RORA: variants seen among roughly 807,000 people sequenced by gnomAD.
The protein encoded by RORA is RAR related orphan receptor A.
A neutral mutation model predicts 69.5 loss-of-function variants in RORA; 7 were observed. The ratio of observed to expected loss-of-function variants is 0.10; its 90% CI spans 0.06 to 0.19. RORA has a LOEUF of 0.19. RORA is among the 10% of genes least tolerant of loss of function. The pLI is 1.00. For synonymous variants in RORA, 261 were observed against 240.8 expected, an observed-to-expected ratio of 1.08 and a Z score of -0.78; for missense variants, 457 against 663.0, an observed-to-expected ratio of 0.69 and a Z score of 3.41.
intron 2 of RORA, among the ~76,000 whole-genome samples, chr15:60,578,524 G>A (rs1393778234): frequency 1.3e-5 from 2 of 152,080 alleles, no homozygotes; most frequent in African/African-American, 4.8e-5. Flanking sequence ...AATAATTATA[G>A]TCTGTTATTC....
intron 1 of RORA, among the ~76,000 whole-genome samples, chr15:61,148,908 C>G (rs1016330311): frequency 1.1e-4 from 17 of 152,126 alleles, no homozygotes; most frequent in Admixed American, 8.5e-4. Context: ...GCCTAAAAAG[C>G]GTGTGGACTG....
chr15:60,772,087 T>C (rs1322758278), intron 1 of RORA, among the ~76,000 whole-genome samples: 1 of 152,176 alleles, frequency 6.6e-6, no homozygotes, highest in Non-Finnish European at 1.5e-5. Flanking sequence ...CTTTAAGTTC[T>C]AGGATACAAG....
chr15:60,590,473 G>A (rs2068467661), intron 2 of RORA, among the ~76,000 whole-genome samples: 1 of 152,154 alleles, frequency 6.6e-6, no homozygotes, highest in South Asian at 2.1e-4. Context: ...GGTCGTTACT[G>A]TTCATTAGGG....
chr15:60,795,228 C>G (rs1373832023), intron 1 of RORA, among the ~76,000 whole-genome samples: 1 of 152,152 alleles, frequency 6.6e-6, no homozygotes, highest in Non-Finnish European at 1.5e-5. Flanking sequence ...AGAGAGAATT[C>G]AAAATGGCAA....
intron 1 of RORA, among the ~76,000 whole-genome samples, chr15:60,984,144 T>A (rs1194341541): frequency 1.3e-5 from 2 of 152,198 alleles, no homozygotes; most frequent in Non-Finnish European, 2.9e-5. Flanking sequence ...GTTTCTCATA[T>A]ACAATTATTT....
intron 1 of RORA, among the ~76,000 whole-genome samples, chr15:60,798,935 C>CTT (rs35043218): frequency 1.8e-4 from 26 of 144,816 alleles, no homozygotes; most frequent in African/African-American, 5.6e-4. Flanking sequence ...CAATAAAGGA[C>CTT]TTTTTTTTTT....
In RORA at chr15:61,166,566, T is replaced by A. The variant is rs1432213187; in HGVS notation, c.166+62487A>T. Among the ~76,000 whole-genome samples the A allele has an allele frequency of 2.0e-5, 3 of 152,138 alleles. No homozygotes were observed. In the East Asian group the frequency reaches 5.8e-4, roughly 29 times the overall value. On this transcript the variant is annotated intron_variant, in intron 1 of 10. Transcript: ENST00000335670. ...GTTATATCACCTTATATTTACCCAG[T>A]GCTTTTTGTTTGAATCTCACAGCAG...
In RORA at chr15:61,078,329, C is replaced by CTGTGTGTGTGTGTGTG. The variant is rs56676588; in HGVS notation, c.166+150708_166+150723dup. ...CAGGCACGTGCCACCACACCTGGCT[C>CTGTGTGTGTGTGTGTG]TGTGTGTGTGTGTGTGTGTGTGTGT... On this transcript the variant is annotated intron_variant, in intron 1 of 10. Coordinates refer to ENST00000335670, the MANE Select transcript of RORA (RefSeq NM_134261.3). Among the ~76,000 whole-genome samples the CTGTGTGTGTGTGTGTG allele has an allele frequency of 1.6e-3, 208 of 133,250 alleles. 2 individuals are homozygous for CTGTGTGTGTGTGTGTG. Among genetic ancestry groups the CTGTGTGTGTGTGTGTG allele is most frequent in the East Asian group, 4.0e-3 (17 of 4,242 alleles). 87.4% of individuals were successfully genotyped at this position (133,250 alleles called of 152,430 possible). A position where few individuals can be genotyped will look rare whatever the true frequency, so the allele number is the denominator to read the frequency against.
intron 1 of RORA, among the ~76,000 whole-genome samples, chr15:61,126,917 T>C (rs1347243629): frequency 6.6e-6 from 1 of 152,230 alleles, no homozygotes; most frequent in Non-Finnish European, 1.5e-5. Context: ...CAACACTGCA[T>C]GCATTTTATT....
intron 1 of RORA, among the ~76,000 whole-genome samples, chr15:60,950,260 G>A (rs1355149611): frequency 2.0e-5 from 3 of 147,460 alleles, no homozygotes; most frequent in Non-Finnish European, 4.5e-5. Context: ...TCACCACCAG[G>A]CCTGCCCTAA....
intron 2 of RORA, among the ~76,000 whole-genome samples, chr15:60,630,167 A>G (rs1209926748): frequency 6.6e-6 from 1 of 152,232 alleles, no homozygotes; most frequent in African/African-American, 2.4e-5. Flanking sequence ...TGAGTTCTAC[A>G]CTGATGCAAA....
rs66780614 is a variant in RORA at position 60,896,732 on chromosome 15, CT to C, written c.167-218047del. On this transcript the variant is annotated intron_variant, in intron 1 of 10. Coordinates refer to ENST00000335670, the MANE Select transcript of RORA (RefSeq NM_134261.3). ...ATTAGCAAGACTCTGGAGAATTTAG[CT>C]TTTTTTTTTTTTTTTTTTGGCTGCA... Among the ~76,000 whole-genome samples, 866 of 117,144 alleles carry C rather than the reference CT, an allele frequency of 7.4e-3. 7 individuals are homozygous for C. The highest frequency in any genetic ancestry group is 0.024 in the African/African-American group (806 of 33,568). 76.9% of individuals were successfully genotyped at this position (117,144 alleles called of 152,430 possible).
intron 1 of RORA, among the ~76,000 whole-genome samples, chr15:60,945,233 C>T (rs568669734): frequency 2.0e-5 from 3 of 152,282 alleles, no homozygotes; most frequent in Non-Finnish European, 4.4e-5. Context: ...TGGGAAAGAA[C>T]AGGAACTCTC....
At chr15:61,222,960 T>C (rs757820403) in intron 1 of RORA, among the ~76,000 whole-genome samples, 8 of 152,212 alleles carry the variant, frequency 5.3e-5, no homozygotes, top group Non-Finnish European at 1.2e-4. Context: ...AGAAAACTTA[T>C]GTTATCATAA....
chr15:60,769,359 T>C (rs1191355268), intron 1 of RORA, among the ~76,000 whole-genome samples: 1 of 152,178 alleles, frequency 6.6e-6, no homozygotes, highest in African/African-American at 2.4e-5. Flanking sequence ...TTAGGTGCTC[T>C]TACATGGTAG....
intron 7 of RORA, among the ~76,000 whole-genome samples, 169 bp from the exon 8 acceptor site, chr15:60,503,036 T>C (rs1343347065): frequency 2.6e-5 from 4 of 152,156 alleles, no homozygotes; most frequent in Non-Finnish European, 5.9e-5. Context: ...AGGGCAGAGT[T>C]TTCTATGTAA....
intron 1 of RORA, among the ~76,000 whole-genome samples, chr15:60,949,328 G>T (rs1173135400): frequency 6.6e-6 from 1 of 151,978 alleles, no homozygotes; most frequent in South Asian, 2.1e-4. Context: ...CTCAAATCAG[G>T]CTGTTTATCA....
chr15:61,209,375 G>A (rs1192102638), intron 1 of RORA, among the ~76,000 whole-genome samples: 2 of 152,034 alleles, frequency 1.3e-5, no homozygotes, highest in Non-Finnish European at 2.9e-5. Flanking sequence ...AATAGGAAGA[G>A]AGGTGACCAT....
chr15:60,673,289 A>G (rs2070501922), intron 2 of RORA, among the ~76,000 whole-genome samples: 1 of 152,198 alleles, frequency 6.6e-6, no homozygotes, highest in African/African-American at 2.4e-5. Flanking sequence ...CAAATCTTCT[A>G]CTTTGGAAGA....
Sources: allele counts gnomAD v4.1 joint callset (sites outside exome capture counted in the v4.1 genomes callset), GRCh38; gene constraint gnomAD v4.1.1; transcripts MANE v1.5; gene names NCBI Gene and HGNC (gene_info 2026-07-23, HGNC 2026-07-21).